Variants in SAXO1 observed in about 807,000 individuals in gnomAD.
The protein encoded by SAXO1 is stabilizer of axonemal microtubules 1, also known as 4930500O09Rik.
A neutral mutation model predicts 17.5 loss-of-function variants in SAXO1; 21 were observed. The ratio of observed to expected loss-of-function variants is 1.20; its 90% CI spans 0.85 to 1.72. The LOEUF (loss-of-function observed/expected upper bound fraction) is 1.72, where lower values mean the gene tolerates loss of function less well. Ranked by LOEUF, SAXO1 falls within the 40% of genes most tolerant of loss-of-function variation. The pLI is 0.00. For missense variants in SAXO1, 843 were observed against 596.0 expected (o/e 1.41, Z -4.32); for synonymous variants, 274 against 216.5 (o/e 1.27, Z -2.33).
At chr9:18,995,753 G>C (rs1278843914) in intron 1 of SAXO1, among the ~76,000 whole-genome samples, 1 of 152,102 alleles carries the variant, frequency 6.6e-6, no homozygotes, top group Non-Finnish European at 1.5e-5. Context: ...ACACAATATA[G>C]AGAACTTTAA....
At chr9:19,005,184 A>G (rs1470496892) in intron 1 of SAXO1, among the ~76,000 whole-genome samples, 1 of 152,236 alleles carries the variant, frequency 6.6e-6, no homozygotes, top group Non-Finnish European at 1.5e-5. Context: ...GGAAGTCTTA[A>G]TACTGTTAAA....
rs148273358 is a variant in SAXO1, at chr9:18,981,405, G to A, written c.39-30468C>T. On this transcript the variant is annotated intron_variant, in intron 1 of 3. Transcript: ENST00000380534. ...GGTCATACGTGTGGTTGGTGGCAAAGCAAACACTAGAACTCAGGCTTCCTC... is the reference window on the plus strand; with the variant it reads ...GGTCATACGTGTGGTTGGTGGCAAAACAAACACTAGAACTCAGGCTTCCTC... Among the ~76,000 whole-genome samples, 64 of 152,296 alleles carry A rather than the reference G, an allele frequency of 4.2e-4. 1 individual carries two copies. Among genetic ancestry groups the A allele is most frequent in the African/African-American group, 1.5e-3 (63 of 41,564 alleles).
intron 1 of SAXO1, among the ~76,000 whole-genome samples, chr9:18,992,281 G>T (rs956113763): frequency 1.3e-5 from 2 of 152,204 alleles, no homozygotes; most frequent in Non-Finnish European, 1.5e-5. Context: ...TGCTGTGGGT[G>T]AAATTCTGCT....
intron 1 of SAXO1, among the ~76,000 whole-genome samples, chr9:18,998,317 T>C (rs899831563): frequency 6.6e-6 from 1 of 152,020 alleles, no homozygotes; most frequent in Admixed American, 6.6e-5. Flanking sequence ...GCATGAAGCA[T>C]ACACAAGCCT....
At chr9:18,974,664 C>T (rs544086409) in intron 1 of SAXO1, among the ~76,000 whole-genome samples, 2 of 152,240 alleles carry the variant, frequency 1.3e-5, no homozygotes, top group African/African-American at 2.4e-5. Context: ...TAGGTTATAA[C>T]CCACTGAACA....
chr9:19,012,221 A>G (rs970724341), intron 1 of SAXO1, among the ~76,000 whole-genome samples: 2 of 152,244 alleles, frequency 1.3e-5, no homozygotes, highest in Non-Finnish European at 2.9e-5. Flanking sequence ...AAAGGCAAAT[A>G]AAGAGAAGAA....
rs73645540 is a variant in SAXO1, at chr9:18,951,219, C to T, written c.39-282G>A. ...GCTTGTGTAAGCAGGGAAATATTTC[C>T]ATACCATAATAGAGAAATGGCTGTG... On this transcript the variant is annotated intron_variant, in intron 1 of 3. Coordinates refer to ENST00000380534, the MANE Select transcript of SAXO1 (RefSeq NM_153707.4). Among the ~76,000 whole-genome samples, 3,526 of 152,146 alleles carry T rather than the reference C, an allele frequency of 0.023. 100 individuals are homozygous for T. Among genetic ancestry groups the T allele is most frequent in the African/African-American group, 0.068 (2,827 of 41,484 alleles).
At chr9:19,015,641 C>T (rs75447793) in intron 1 of SAXO1, among the ~76,000 whole-genome samples, 1 of 114,248 alleles carries the variant, frequency 8.8e-6, no homozygotes, top group Non-Finnish European at 2.0e-5. Context: ...TCACGCCTGG[C>T]CCTTTTTTTT....
chr9:19,037,944 C>T (rs973146459), upstream of SAXO1, among the ~76,000 whole-genome samples: 3 of 152,178 alleles, frequency 2.0e-5, no homozygotes, highest in Admixed American at 1.3e-4. Flanking sequence ...CAGATGGTCT[C>T]AAGCTTTTCC....
At chr9:18,969,133 T>C (rs1832851031) in intron 1 of SAXO1, among the ~76,000 whole-genome samples, 1 of 152,116 alleles carries the variant, frequency 6.6e-6, no homozygotes, top group Non-Finnish European at 1.5e-5. Context: ...AACAAGCGCG[T>C]ATCTGCTTAA....
intron 1 of SAXO1, among the ~76,000 whole-genome samples, chr9:19,030,674 A>G (rs1265044034): frequency 1.3e-5 from 2 of 152,076 alleles, no homozygotes; most frequent in Non-Finnish European, 2.9e-5. Context: ...CCACTGCACG[A>G]CAGAGTAAGA....
At chr9:18,936,415 G>A (rs1353695247) in intron 3 of SAXO1, among the ~76,000 whole-genome samples, 1 of 152,070 alleles carries the variant, frequency 6.6e-6, no homozygotes, top group African/African-American at 2.4e-5. Flanking sequence ...ACCTGTAGAT[G>A]CCTACGCACT....
intron 3 of SAXO1, among the ~76,000 whole-genome samples, chr9:18,931,950 C>T (rs1166078987): frequency 2.0e-5 from 3 of 152,126 alleles, no homozygotes; most frequent in Non-Finnish European, 2.9e-5. Context: ...TTTTCCAAGT[C>T]TATCACTTCT....
intron 1 of SAXO1, among the ~76,000 whole-genome samples, chr9:18,984,284 G>C (rs567380746): frequency 6.6e-6 from 1 of 152,158 alleles, no homozygotes; most frequent in African/African-American, 2.4e-5. Flanking sequence ...ATGGGCATCC[G>C]CTTCAACATC....
At chr9:19,036,819 A>G (rs145475880), upstream of SAXO1, among the ~76,000 whole-genome samples, 2,497 of 152,310 alleles carry the variant, frequency 0.016, 32 homozygotes, top group Non-Finnish European at 0.023. Flanking sequence ...CTGTGAGAAG[A>G]GGGCCAGCAT....
At chr9:19,014,280 G>A (rs1834873553) in intron 1 of SAXO1, among the ~76,000 whole-genome samples, 1 of 151,852 alleles carries the variant, frequency 6.6e-6, no homozygotes, top group South Asian at 2.1e-4. Context: ...GGCCAACGTG[G>A]AGAAACCCTA....
chr9:18,948,429 C>T (rs149113526), intron 2 of SAXO1, among the ~76,000 whole-genome samples: 50 of 152,276 alleles, frequency 3.3e-4, no homozygotes, highest in Non-Finnish European at 5.6e-4. Context: ...CCCTTATGTT[C>T]ATTAACAGCT....
intron 1 of SAXO1, among the ~76,000 whole-genome samples, chr9:19,019,756 G>A (rs1726882848): frequency 6.6e-6 from 1 of 151,976 alleles, no homozygotes; most frequent in South Asian, 2.1e-4. Flanking sequence ...AGAAAAAGTA[G>A]TCTACTTCAA....
rs182396603 is a variant in SAXO1, at chr9:19,003,212, A to C, written c.38+29659T>G. 1.1e-4 allele frequency among the ~76,000 whole-genome samples: 17 copies of C among 152,300 alleles called. No homozygotes were observed. In the East Asian group the frequency reaches 3.3e-3, roughly 29 times the overall value. On this transcript the variant is annotated intron_variant, in intron 1 of 3. Transcript: ENST00000380534. ...GGATGTAAAGGACCTCTTCAAGGAG[A>C]ACTACAAACCACTGCTCAACGAAAT...
Sources: gnomAD v4.1 joint callset for allele counts (sites outside exome capture counted in the v4.1 genomes callset) on GRCh38, gnomAD v4.1.1 for gene constraint, MANE v1.5 for transcripts, NCBI Gene and HGNC (gene_info 2026-07-23, HGNC 2026-07-21) for gene names.